Variants in PTPRM observed in about 807,000 individuals in gnomAD.
PTPRM encodes the protein receptor-type tyrosine-protein phosphatase mu.
In PTPRM, 47 loss-of-function variants were observed where a neutral mutation model predicts 186.7. That is an observed-to-expected ratio of 0.25 (90% CI 0.20 to 0.32). The LOEUF (loss-of-function observed/expected upper bound fraction) is 0.32, where lower values mean the gene tolerates loss of function less well. PTPRM is among the 10% of genes least tolerant of loss of function. The probability of loss-of-function intolerance (pLI) is 1.00; values close to 1 mark genes in which losing one functional copy is unlikely to be tolerated. For missense variants in PTPRM, 1,494 were observed against 1,865.0 expected (o/e 0.80, Z 3.66); for synonymous variants, 668 against 674.9 (o/e 0.99, Z 0.16).
chr18:8,352,102 G>T (rs1293458690), intron 23 of PTPRM, among the ~76,000 whole-genome samples: 3 of 152,180 alleles, frequency 2.0e-5, no homozygotes, highest in Non-Finnish European at 4.4e-5. Context: ...ATAATCCAAA[G>T]ATAGTTATAA....
chr18:7,635,589 A>G (rs2038293298), intron 1 of PTPRM, among the ~76,000 whole-genome samples: 1 of 151,822 alleles, frequency 6.6e-6, no homozygotes, highest in Admixed American at 6.5e-5. Context: ...AATTTTGTAC[A>G]TTGTAAAGGA....
In PTPRM at chr18:8,023,831, G is replaced by GACACACACACACACACAC. The variant is rs71354587; in HGVS notation, c.1133-45832_1133-45815dup. ...CAATTTAAATGGTAAATTATCAGAA[G>GACACACACACACACACAC]ACACACACACACACACACACACACA... On this transcript the variant is annotated intron_variant, in intron 7 of 32. Coordinates refer to ENST00000580170, the MANE Select transcript of PTPRM (RefSeq NM_001105244.2). Among the ~76,000 whole-genome samples, 228 of 110,276 alleles carry GACACACACACACACACAC rather than the reference G, an allele frequency of 2.1e-3. 2 individuals carry two copies. The highest frequency in any genetic ancestry group is 6.4e-3 in the African/African-American group (209 of 32,470). The allele number at this position is 110,276 out of a possible 152,430, so 72.3% of individuals were successfully genotyped here.
chr18:8,297,638 C>T (rs1182427045), intron 20 of PTPRM, among the ~76,000 whole-genome samples: 2 of 152,156 alleles, frequency 1.3e-5, no homozygotes, highest in Non-Finnish European at 2.9e-5. Context: ...TTAATTTTAA[C>T]TATTTTTAAT....
At chr18:7,799,847 A>C (rs1355410940) in intron 2 of PTPRM, among the ~76,000 whole-genome samples, 2 of 152,184 alleles carry the variant, frequency 1.3e-5, no homozygotes, top group African/African-American at 4.8e-5. Context: ...ATGCATATAT[A>C]ACATCCTTAT....
intron 5 of PTPRM, among the ~76,000 whole-genome samples, chr18:7,934,370 C>T (rs1174035982): frequency 1.3e-5 from 2 of 152,022 alleles, no homozygotes; most frequent in African/African-American, 2.4e-5. Flanking sequence ...GTATGAGCTA[C>T]GCAATCGTGA....
chr18:7,859,269 T>C (rs2047234140), intron 2 of PTPRM, among the ~76,000 whole-genome samples: 1 of 152,218 alleles, frequency 6.6e-6, no homozygotes, highest in South Asian at 2.1e-4. Context: ...AGTTTATTCA[T>C]CTCCCAGGAT....
intron 9 of PTPRM, among the ~76,000 whole-genome samples, chr18:8,077,940 GTC>G (rs1357174352): frequency 2.0e-5 from 3 of 152,162 alleles, no homozygotes; most frequent in Admixed American, 6.5e-5. Flanking sequence ...AAACCCATTA[GTC>G]TCTCTGATTC....
chr18:7,984,602 T>TATATATATATATATATATATATACACAC (rs1214502563), intron 7 of PTPRM, among the ~76,000 whole-genome samples: 2 of 87,172 alleles, frequency 2.3e-5, no homozygotes, highest in African/African-American at 9.8e-5. Context: ...TATATATATA[T>TATATATATATATATATATATATACACAC]ACACACACAC....
At chr18:8,390,605 A>C (rs2095804670) in intron 31 of PTPRM, among the ~76,000 whole-genome samples, 1 of 152,214 alleles carries the variant, frequency 6.6e-6, no homozygotes, top group Non-Finnish European at 1.5e-5. Flanking sequence ...TTAAATGGGC[A>C]AAAAACTTGA....
chr18:8,041,420 C>T (rs189155308), intron 7 of PTPRM, among the ~76,000 whole-genome samples: 74 of 151,574 alleles, frequency 4.9e-4, no homozygotes, highest in Middle Eastern at 3.4e-3. Flanking sequence ...TCATTAAAGG[C>T]ATGACTTTGA....
At chr18:8,399,634 G>A (rs1208251675) in intron 32 of PTPRM, 2 of 152,228 alleles carry the variant, frequency 1.3e-5, no homozygotes, top group African/African-American at 2.4e-5. Flanking sequence ...AAAGCCAGAA[G>A]AGGTGCTGCC....
chr18:8,177,017 A>G (rs1394559499), intron 14 of PTPRM, among the ~76,000 whole-genome samples: 1 of 151,978 alleles, frequency 6.6e-6, no homozygotes, highest in Non-Finnish European at 1.5e-5. Flanking sequence ...TGATTTCTCA[A>G]TTATGTTTTT....
intron 1 of PTPRM, among the ~76,000 whole-genome samples, chr18:7,701,751 C>G: frequency 6.6e-6 from 1 of 152,132 alleles, no homozygotes; most frequent in African/African-American, 2.4e-5. Context: ...GGTACATGTG[C>G]AGAACATGCA....
At chr18:8,330,089 C>T (rs1018401442) in intron 22 of PTPRM, among the ~76,000 whole-genome samples, 2 of 152,178 alleles carry the variant, frequency 1.3e-5, no homozygotes, top group African/African-American at 4.8e-5. Flanking sequence ...AGGCATGAGG[C>T]ACTGCACCCA....
chr18:7,971,704 G>GA (rs1200765895), intron 7 of PTPRM, among the ~76,000 whole-genome samples: 1 of 258 alleles, frequency 3.9e-3, no homozygotes, highest in African/African-American at 0.042. Flanking sequence ...AAAAACACAT[G>GA]AAAAAATGCT....
rs2082453942 is a variant in PTPRM, at chr18:7,979,923, C to T, written c.1132+24509C>T. On this transcript the variant is annotated intron_variant, in intron 7 of 32. Transcript: ENST00000580170. The stretch of plus-strand genomic sequence containing the variant: ...CTTGTCCCGCCCTGGGTTGATCCCT[C>T]CCAGATGCCCACATCTCCAGGGCTG... Among the ~76,000 whole-genome samples the T allele has an allele frequency of 2.0e-5, 3 of 152,268 alleles. No individual in the cohort carries two copies. The South Asian group carries it at 6.2e-4, about 32-fold the overall frequency.
At chr18:8,372,572 A>G (rs1486557234) in intron 24 of PTPRM, among the ~76,000 whole-genome samples, 1 of 152,180 alleles carries the variant, frequency 6.6e-6, no homozygotes, top group Non-Finnish European at 1.5e-5. Context: ...TTCTCATACT[A>G]TTTAGCATTT....
chr18:8,324,131 A>G (rs563722154), intron 22 of PTPRM, among the ~76,000 whole-genome samples: 3 of 152,330 alleles, frequency 2.0e-5, no homozygotes, highest in East Asian at 1.9e-4. Flanking sequence ...TTAAAAAACC[A>G]TACTTAGGGG....
At chr18:7,650,756 A>G (rs1439645533) in intron 1 of PTPRM, among the ~76,000 whole-genome samples, 1 of 152,024 alleles carries the variant, frequency 6.6e-6, no homozygotes, top group Non-Finnish European at 1.5e-5. Flanking sequence ...TTGAAGAAAC[A>G]TTATAAAACA....
Sources: allele counts gnomAD v4.1 joint callset (sites outside exome capture counted in the v4.1 genomes callset), GRCh38; gene constraint gnomAD v4.1.1; transcripts MANE v1.5; gene names NCBI Gene and HGNC (gene_info 2026-07-23, HGNC 2026-07-21).